PRELID2: variants seen among roughly 807,000 people sequenced by gnomAD.
PRELID2 encodes the protein PRELI domain containing 2, also known as PRELI domain-containing protein 2.
PRELID2 carries 25 observed loss-of-function variants against 28.4 expected under a neutral mutation model. The ratio of observed to expected loss-of-function variants is 0.88; its 90% CI spans 0.64 to 1.23. PRELID2 has a LOEUF of 1.23. Among genes scored for constraint, PRELID2 ranks in the 50% most tolerant of loss-of-function variants. PRELID2 has a pLI of 0.00. For missense variants in PRELID2, 201 were observed against 214.4 expected, an observed-to-expected ratio of 0.94 and a Z score of 0.39; for synonymous variants, 76 against 71.6, an observed-to-expected ratio of 1.06 and a Z score of -0.31.
chr5:145,297,217 T>C, the PRELID2 span, among the ~76,000 whole-genome samples: 1 of 152,062 alleles, frequency 6.6e-6, no homozygotes, highest in African/African-American at 2.4e-5. Flanking sequence ...TTTGTCAATT[T>C]TGGCTTTTGT....
chr5:145,648,459 T>A (rs1280027963), intron 1 of PRELID2, among the ~76,000 whole-genome samples: 1 of 151,678 alleles, frequency 6.6e-6, no homozygotes, highest in Non-Finnish European at 1.5e-5. Context: ...AAGTTAATAG[T>A]TATCTTTGGT....
At position 145,825,221 on chromosome 5, in the gene PRELID2, G is replaced by C. The variant is rs1299716797; in HGVS notation, c.76-2087C>G. ...AGCCTCGGTGATAGAGTGAGACTCT[G>C]TCTCAAAAAAAAAAAAAAAAAAAAA... On this transcript the variant is annotated intron_variant, in intron 1 of 6. Transcript: ENST00000683046. 1.5e-4 allele frequency among the ~76,000 whole-genome samples: 11 copies of C among 71,128 alleles called. No homozygotes were observed. The East Asian group carries it at 2.3e-3, about 15-fold the overall frequency. The allele number at this position is 71,128 out of a possible 152,430, so 46.7% of individuals were successfully genotyped here.
At chr5:145,752,832 T>TC (rs1336675080), downstream of PRELID2, among the ~76,000 whole-genome samples, 1 of 152,222 alleles carries the variant, frequency 6.6e-6, no homozygotes, top group African/African-American at 2.4e-5. Context: ...TGGGTTTTTT[T>TC]CTCTGATTGA....
chr5:145,782,865 T>C lies in PRELID2; in HGVS notation c.474+13577A>G, dbSNP rs1210578777. Among the ~76,000 whole-genome samples, 5 of 152,188 alleles carry C rather than the reference T, an allele frequency of 3.3e-5. No individual in the cohort carries two copies. The East Asian group carries it at 9.7e-4, about 29-fold the overall frequency. On this transcript the variant is annotated intron_variant, in intron 5 of 6. Coordinates refer to ENST00000683046, the MANE Select transcript of PRELID2 (RefSeq NM_205846.3). ...AGACACTGAAGGAAGGGAGAGAGAA[T>C]TTTTTTTAAAAAGTCATACAATTGC...
intron 1 of PRELID2, among the ~76,000 whole-genome samples, chr5:145,691,761 A>G (rs1050100181): frequency 1.8e-4 from 28 of 152,142 alleles, no homozygotes; most frequent in Non-Finnish European, 2.5e-4. Flanking sequence ...ACAGAGTCCA[A>G]AAATCTTAAT....
At chr5:145,262,106 T>C in the PRELID2 span, among the ~76,000 whole-genome samples, 2 of 151,924 alleles carry the variant, frequency 1.3e-5, no homozygotes, top group African/African-American at 2.4e-5. Flanking sequence ...TTGGCAGAGC[T>C]CAAAGACAAG....
chr5:145,615,320 T>TATAGG (rs778219046), intron 1 of PRELID2, among the ~76,000 whole-genome samples: 3 of 108,086 alleles, frequency 2.8e-5, no homozygotes, highest in Admixed American at 1.3e-4. Context: ...GTGAGTCTCT[T>TATAGG]TTTTTTGTTT....
the PRELID2 span, among the ~76,000 whole-genome samples, chr5:145,446,709 G>A: frequency 6.6e-6 from 1 of 152,028 alleles, no homozygotes; most frequent in East Asian, 1.9e-4. Context: ...AGCTTCCATC[G>A]ATTAAAATGG....
At chr5:145,441,214 G>A in the PRELID2 span, 2 of 151,988 alleles carry the variant, frequency 1.3e-5, no homozygotes, top group East Asian at 3.9e-4. Context: ...AATATCTCTG[G>A]TTGAACAAAG....
intron 5 of PRELID2, among the ~76,000 whole-genome samples, chr5:145,783,541 T>C (rs1053994358): frequency 6.6e-6 from 1 of 152,180 alleles, no homozygotes; most frequent in Non-Finnish European, 1.5e-5. Context: ...GGTAATATTC[T>C]CAGGACAGCT....
chr5:145,246,163 A>G, the PRELID2 span, among the ~76,000 whole-genome samples: 1 of 152,068 alleles, frequency 6.6e-6, no homozygotes, highest in African/African-American at 2.4e-5. Flanking sequence ...GTTTTATCCT[A>G]ATTAATGTCA....
the PRELID2 span, among the ~76,000 whole-genome samples, chr5:145,367,008 G>A: frequency 6.6e-6 from 1 of 150,578 alleles, no homozygotes; most frequent in African/African-American, 2.5e-5. Flanking sequence ...ACATAATCAG[G>A]TTTCTAGCAT....
chr5:145,580,109 C>A (rs1306123164), intron 1 of PRELID2, among the ~76,000 whole-genome samples: 2 of 152,030 alleles, frequency 1.3e-5, no homozygotes, highest in East Asian at 1.9e-4. Context: ...TTTTGGCAAG[C>A]CTTCAGACCA....
intron 1 of PRELID2, among the ~76,000 whole-genome samples, chr5:145,528,636 C>A (rs1752628136): frequency 6.9e-6 from 1 of 145,446 alleles, no homozygotes. Flanking sequence ...AATAAAAGAG[C>A]CATAGACAAT....
the PRELID2 span, among the ~76,000 whole-genome samples, chr5:145,249,659 C>T: frequency 2.0e-5 from 3 of 152,072 alleles, no homozygotes; most frequent in Non-Finnish European, 4.4e-5. Flanking sequence ...CACCTTCCTT[C>T]AACATTATTT....
chr5:145,641,214 T>C (rs560974673), intron 1 of PRELID2, among the ~76,000 whole-genome samples: 2 of 151,780 alleles, frequency 1.3e-5, no homozygotes, highest in South Asian at 2.1e-4. Flanking sequence ...AGTTAAAACA[T>C]AAATTACAAT....
intron 1 of PRELID2, among the ~76,000 whole-genome samples, chr5:145,512,068 G>A (rs896167680): frequency 6.6e-6 from 1 of 152,168 alleles, no homozygotes. Context: ...ATGAATCCTA[G>A]GTCTCTAACT....
chr5:145,620,481 C>T (rs1753759133), intron 1 of PRELID2, among the ~76,000 whole-genome samples: 1 of 152,170 alleles, frequency 6.6e-6, no homozygotes, highest in South Asian at 2.1e-4. Context: ...ATGGGGGATG[C>T]TACGCATGTG....
chr5:145,745,133 G>C (rs528843420), intron 1 of PRELID2, among the ~76,000 whole-genome samples: 8 of 152,020 alleles, frequency 5.3e-5, no homozygotes, highest in African/African-American at 1.9e-4. Context: ...CCATCTTGCT[G>C]AAATAAGGCA....
Sources: gnomAD v4.1 joint callset for allele counts (sites outside exome capture counted in the v4.1 genomes callset) on GRCh38, gnomAD v4.1.1 for gene constraint, MANE v1.5 for transcripts, NCBI Gene and HGNC (gene_info 2026-07-23, HGNC 2026-07-21) for gene names.